Variants in LAMB3 observed in about 807,000 individuals in gnomAD.
LAMB3 encodes laminin subunit beta-3.
LAMB3 carries 104 observed loss-of-function variants against 140.3 expected under a neutral mutation model. That is an observed-to-expected ratio of 0.74 (90% CI 0.63 to 0.87). The LOEUF is 0.87. Ranked by LOEUF, LAMB3 falls within the 40% of genes least tolerant of loss-of-function variation. LAMB3 has a pLI of 0.00. For synonymous variants in LAMB3, 592 were observed against 602.9 expected, an observed-to-expected ratio of 0.98 and a Z score of 0.26; for missense variants, 1,531 against 1,575.2, an observed-to-expected ratio of 0.97 and a Z score of 0.47.
At chr1:209,637,413 T>A (rs1666929196) in intron 5 of LAMB3, among the ~76,000 whole-genome samples, 1 of 152,148 alleles carries the variant, frequency 6.6e-6, no homozygotes, top group Non-Finnish European at 1.5e-5. Context: ...CCAAAAGAAG[T>A]ATCTAGAAGG....
chr1:209,628,174 CGGA>C lies in LAMB3; in HGVS notation c.1146_1148del (p.Asp382_Pro383delinsGlu). The stretch of plus-strand genomic sequence containing the variant: ...AGGGAGCCCCTGGCACTGCCCCATC[CGGA>C]TCACACTCGCAGGCTGAGAGACAAC... On this transcript the variant is annotated inframe_deletion, in exon 11 of 23. Transcript: ENST00000356082. 1 of 1,561,842 alleles carries C rather than the reference CGGA, an allele frequency of 6.4e-7. No homozygotes were observed. The highest frequency in any genetic ancestry group is 8.7e-7 in the Non-Finnish European group (1 of 1,152,430).
At chr1:209,618,998 G>A (rs1666095252) in intron 18 of LAMB3, among the ~76,000 whole-genome samples, 1 of 152,236 alleles carries the variant, frequency 6.6e-6, no homozygotes, top group Non-Finnish European at 1.5e-5. Context: ...AATGCCTGCA[G>A]CACATGCACA....
chr1:209,624,070 C>A, intron 14 of LAMB3, 70 bp from the exon 15 acceptor site: 1 of 1,365,344 alleles, frequency 7.3e-7, no homozygotes, highest in South Asian at 1.2e-5. Flanking sequence ...GCTATCCCCT[C>A]AGAGCAACTG....
intron 18 of LAMB3, among the ~76,000 whole-genome samples, chr1:209,621,304 G>A (rs538331544): frequency 1.3e-4 from 20 of 152,314 alleles, no homozygotes; most frequent in African/African-American, 4.3e-4. Flanking sequence ...CCACGTTTGT[G>A]GGGCACAATC....
At chr1:209,632,200 C>G (rs950130755) in intron 8 of LAMB3, among the ~76,000 whole-genome samples, 4 of 152,202 alleles carry the variant, frequency 2.6e-5, no homozygotes, top group Admixed American at 1.3e-4. Flanking sequence ...CCTGGCAGTA[C>G]ATTCGAGTCA....
chr1:209,632,353 A>G (rs1230535381), intron 8 of LAMB3, among the ~76,000 whole-genome samples: 2 of 152,246 alleles, frequency 1.3e-5, no homozygotes, highest in Non-Finnish European at 2.9e-5. Flanking sequence ...TTCCACACTT[A>G]TGTAAATGAA....
chr1:209,637,501 C>T (rs1322096898), intron 5 of LAMB3, among the ~76,000 whole-genome samples: 1 of 152,074 alleles, frequency 6.6e-6, no homozygotes. Flanking sequence ...AAGAGAGCTG[C>T]ACCAAAGGAA....
At chr1:209,624,943 G>A (rs1368470587) in intron 14 of LAMB3, among the ~76,000 whole-genome samples, 1 of 144,050 alleles carries the variant, frequency 6.9e-6, no homozygotes, top group Non-Finnish European at 1.5e-5. Context: ...AGGAAAAAAA[G>A]GGAAGGAAGG....
In LAMB3 at chr1:209,623,813, G is replaced by T. The variant is rs1260261995; in HGVS notation, c.2137+27C>A. The T allele has an allele frequency of 6.2e-7, 1 of 1,614,138 alleles. No individual in the cohort carries two copies. Among genetic ancestry groups the T allele is most frequent in the South Asian group, 1.1e-5 (1 of 91,080 alleles). On this transcript the variant is annotated intron_variant, in intron 15 of 22. Coordinates refer to ENST00000356082, the MANE Select transcript of LAMB3 (RefSeq NM_000228.3). This position sits in a 1 kb window ranked among gnomAD's most constrained non-coding sequence, Gnocchi z 4.2. ...CCCACCACGGCAGTGCCCATGCCCG[G>T]GGTTATCCGGGTGCCCCTCTCCTCA...
At chr1:209,644,708 CCTT>C (rs914728882) in intron 3 of LAMB3, among the ~76,000 whole-genome samples, 15 of 152,248 alleles carry the variant, frequency 9.9e-5, no homozygotes, top group African/African-American at 3.1e-4. Context: ...CAGGAAACTC[CCTT>C]CTTCTGCTTC....
rs2076554073 is a variant in LAMB3, at chr1:209,650,239, C to A, written c.29-121G>T. The A allele has an allele frequency of 3.1e-6, 3 of 962,582 alleles. No individual in the cohort carries two copies. In the South Asian group the frequency reaches 4.2e-5, roughly 13 times the overall value. The allele number at this position is 962,582 out of a possible 1,614,324, so 59.6% of individuals were successfully genotyped here. A position where few individuals can be genotyped will look rare whatever the true frequency, so the allele number is the denominator to read the frequency against. ...TATATCCTTTCCCTCACTCAAGCTTCCACTCGCTGCTGGCAGTAATAATTG... is the reference window on the plus strand; with the variant it reads ...TATATCCTTTCCCTCACTCAAGCTTACACTCGCTGCTGGCAGTAATAATTG... On this transcript the variant is annotated intron_variant, in intron 2 of 22. Transcript: ENST00000356082.
intron 6 of LAMB3, among the ~76,000 whole-genome samples, chr1:209,634,148 T>C (rs1666799210): frequency 6.6e-6 from 1 of 152,190 alleles, no homozygotes; most frequent in Non-Finnish European, 1.5e-5. Flanking sequence ...GTCGATTTCA[T>C]CTTCCCACTA....
intron 11 of LAMB3, among the ~76,000 whole-genome samples, chr1:209,627,819 C>T (rs568142783): frequency 2.6e-5 from 4 of 152,364 alleles, no homozygotes; most frequent in African/African-American, 4.8e-5. Context: ...CCAACTCGGA[C>T]GTGTGCTGCC....
At position 209,625,913 on chromosome 1, in the gene LAMB3, A is replaced by C; in HGVS notation, c.1711T>G (p.Tyr571Asp). ...GPRCDQCQRG[Y>D]CNRYPVCVAC... ...ACGCACACCGGGTAGCGATTACAGT[A>C]GCCTCGCTGGCACTGGTCACAGCGG... The change falls in exon 14 of 23, where the codon TAC becomes GAC. Residue 571 changes from tyrosine (Y) to aspartate (D), a missense_variant. Transcript: ENST00000356082. 6.2e-7 allele frequency: 1 copy of C among 1,613,856 alleles called. No homozygotes were observed.
At chr1:209,636,622 C>T (rs1210967981) in intron 5 of LAMB3, among the ~76,000 whole-genome samples, 2 of 152,214 alleles carry the variant, frequency 1.3e-5, no homozygotes, top group Non-Finnish European at 2.9e-5. Flanking sequence ...ATTTCACCCT[C>T]CAGGCCCTGT....
intron 9 of LAMB3, among the ~76,000 whole-genome samples, chr1:209,630,373 G>C (rs1361078345): frequency 6.6e-6 from 1 of 152,218 alleles, no homozygotes; most frequent in East Asian, 1.9e-4. Flanking sequence ...GTCCTAAACA[G>C]GGTAAAGCAA....
At chr1:209,647,282 A>G (rs2076526653) in intron 3 of LAMB3, among the ~76,000 whole-genome samples, 1 of 152,242 alleles carries the variant, frequency 6.6e-6, no homozygotes, top group Non-Finnish European at 1.5e-5. Context: ...ACTGGTCCAC[A>G]AAAAGGAAGC....
rs775290696 is a variant in LAMB3, at chr1:209,615,249, C to T, written c.*22G>A. On this transcript the variant is annotated 3_prime_UTR_variant, in exon 23 of 23. Coordinates refer to ENST00000356082, the MANE Select transcript of LAMB3 (RefSeq NM_000228.3). Reference sequence around the variant, plus strand: ...AAGCAAAGGCGGCAGATGAGTGGGGCAACGGGCTGGAAGCTGTAGCATCAC... The same window carrying T: ...AAGCAAAGGCGGCAGATGAGTGGGGTAACGGGCTGGAAGCTGTAGCATCAC... The T allele has an allele frequency of 5.9e-5, 95 of 1,613,954 alleles. 1 individual carries two copies. Among genetic ancestry groups the T allele is most frequent in the South Asian group, 2.0e-4 (18 of 91,088 alleles).
intron 12 of LAMB3, 139 bp downstream of exon 12, chr1:209,627,244 C>T: frequency 1.3e-6 from 1 of 751,202 alleles, no homozygotes; most frequent in Non-Finnish European, 2.2e-6. Flanking sequence ...GGTGACTTCC[C>T]CAAATGAGAA....
Sources: allele counts gnomAD v4.1 joint callset (sites outside exome capture counted in the v4.1 genomes callset), GRCh38; gene constraint gnomAD v4.1.1; non-coding constraint Gnocchi (gnomAD v3.1); transcripts MANE v1.5; gene names NCBI Gene and HGNC (gene_info 2026-07-23, HGNC 2026-07-21).